The following NBAS variants were observed in gnomAD, a reference collection of about 807,000 sequenced individuals.
NBAS encodes the protein NAG/BC035112 fusion.
A neutral mutation model predicts 302.5 loss-of-function variants in NBAS; 219 were observed. The ratio of observed to expected loss-of-function variants is 0.72; its 90% CI spans 0.65 to 0.81. NBAS has a LOEUF of 0.81. Among genes scored for constraint, NBAS ranks in the 30% least tolerant of loss-of-function variants. NBAS has a pLI of 0.00. For missense variants in NBAS, 2,932 were observed against 2,841.6 expected (o/e 1.03, Z -0.72); for synonymous variants, 1,118 against 1,021.6 (o/e 1.09, Z -1.80).
the NBAS span, among the ~76,000 whole-genome samples, chr2:15,136,597 T>A: frequency 6.6e-6 from 1 of 152,194 alleles, no homozygotes; most frequent in Non-Finnish European, 1.5e-5. Context: ...GTTGAAGTCC[T>A]TACCCCCCTG....
intron 11 of NBAS, among the ~76,000 whole-genome samples, chr2:15,491,502 C>T (rs1174738177): frequency 6.6e-6 from 1 of 152,104 alleles, no homozygotes; most frequent in Non-Finnish European, 1.5e-5. Context: ...TTTGGGAGGC[C>T]GAGGCGGGCA....
the NBAS span, among the ~76,000 whole-genome samples, chr2:14,908,420 G>C: frequency 6.6e-6 from 1 of 152,172 alleles, no homozygotes; most frequent in African/African-American, 2.4e-5. Flanking sequence ...TGAAAGTACA[G>C]AAAAGCATCC....
the NBAS span, among the ~76,000 whole-genome samples, chr2:14,859,243 A>G: frequency 0.054 from 8,192 of 152,084 alleles, 735 homozygotes; most frequent in African/African-American, 0.19. Flanking sequence ...TAATATTGTC[A>G]AAATGACAAT....
At chr2:15,278,487 C>A (rs939424995) in intron 42 of NBAS, among the ~76,000 whole-genome samples, 1 of 152,104 alleles carries the variant, frequency 6.6e-6, no homozygotes, top group Non-Finnish European at 1.5e-5. Flanking sequence ...ATGGCACAGA[C>A]CTTATTACAT....
the NBAS span, among the ~76,000 whole-genome samples, chr2:14,903,208 A>G: frequency 2.9e-4 from 44 of 152,298 alleles, no homozygotes; most frequent in South Asian, 8.5e-3. Flanking sequence ...TTTAATGATA[A>G]TACAAGCAAT....
intron 25 of NBAS, among the ~76,000 whole-genome samples, chr2:15,402,729 T>C (rs1676214738): frequency 6.6e-6 from 1 of 151,888 alleles, no homozygotes; most frequent in South Asian, 2.1e-4. Context: ...GCATTATATA[T>C]TACTCATTTA....
the NBAS span, among the ~76,000 whole-genome samples, chr2:15,061,230 G>A: frequency 6.6e-6 from 1 of 152,292 alleles, no homozygotes; most frequent in East Asian, 1.9e-4. Flanking sequence ...ACATTCGGAT[G>A]TAACTGCAAC....
chr2:15,049,887 G>A, the NBAS span, among the ~76,000 whole-genome samples: 1 of 152,328 alleles, frequency 6.6e-6, no homozygotes, highest in East Asian at 1.9e-4. Flanking sequence ...GCAGACAAAA[G>A]CTGGAACACA....
At chr2:15,548,092 T>A (rs555717229) in intron 6 of NBAS, among the ~76,000 whole-genome samples, 1 of 152,208 alleles carries the variant, frequency 6.6e-6, no homozygotes, top group Non-Finnish European at 1.5e-5. Flanking sequence ...TAAATACATG[T>A]ACACTTTTGT....
rs540865054 is a variant in NBAS, at chr2:15,415,145, T to C, written c.2937+401A>G. Among the ~76,000 whole-genome samples the C allele has an allele frequency of 7.2e-5, 11 of 152,324 alleles. No homozygotes were observed. In the South Asian group the frequency reaches 1.9e-3, roughly 26 times the overall value. ...CTACTTACTGTGCAACCCTGGGCAA[T>C]TACCCTATTCACTTTATATCACAAT... On this transcript the variant is annotated intron_variant, in intron 25 of 51. Transcript: ENST00000281513.
At chr2:14,864,848 C>T in the NBAS span, among the ~76,000 whole-genome samples, 1 of 152,128 alleles carries the variant, frequency 6.6e-6, no homozygotes, top group African/African-American at 2.4e-5. Context: ...TATAAAGTAC[C>T]TAGAACAGAA....
At chr2:14,993,210 T>C in the NBAS span, among the ~76,000 whole-genome samples, 1 of 152,120 alleles carries the variant, frequency 6.6e-6, no homozygotes, top group Non-Finnish European at 1.5e-5. Flanking sequence ...TGCTCCCCAT[T>C]TTACACATGA....
Position 15,424,433 on chromosome 2 carries a change from T to C in NBAS, c.2459A>G (p.Glu820Gly), listed in dbSNP as rs1677365521. 5.0e-6 allele frequency: 8 copies of C among 1,614,126 alleles called. No individual in the cohort carries two copies. The highest frequency in any genetic ancestry group is 5.1e-6 in the Non-Finnish European group (6 of 1,179,978). ...CTCAGGCTGTGCAGCATACAAGAAT[T>C]CACTTTCATCTTGGAGATTCGGCTC... ...VVEPNLQDES[E>G]FLYAAQPELL... Residue 820 changes from glutamate to glycine, a missense_variant, in exon 23 of 52, where the codon GAA (glutamate) becomes GGA (glycine). Physicochemically the swap from Glu to Gly is moderately conservative, Grantham distance 98. Transcript: ENST00000281513.
At chr2:15,404,500 C>CTT (rs546532032) in intron 25 of NBAS, among the ~76,000 whole-genome samples, 4 of 148,808 alleles carry the variant, frequency 2.7e-5, no homozygotes, top group South Asian at 2.2e-4. Flanking sequence ...TAAATAATCA[C>CTT]TTTTTTTTTT....
the NBAS span, among the ~76,000 whole-genome samples, chr2:14,988,706 T>G: frequency 1.3e-5 from 2 of 152,206 alleles, no homozygotes; most frequent in Admixed American, 6.5e-5. Flanking sequence ...ATACTCAGAC[T>G]AATTGGTCAT....
At chr2:15,206,926 G>A (rs1406831883) in intron 48 of NBAS, among the ~76,000 whole-genome samples, 2 of 152,186 alleles carry the variant, frequency 1.3e-5, no homozygotes, top group Non-Finnish European at 2.9e-5. Flanking sequence ...ATGCAGAGGG[G>A]AAATGTGGGG....
At chr2:15,449,238 T>C (rs1423651081) in intron 21 of NBAS, among the ~76,000 whole-genome samples, 1 of 152,204 alleles carries the variant, frequency 6.6e-6, no homozygotes, top group African/African-American at 2.4e-5. Context: ...ATTAAAATTA[T>C]TTATTAAAAT....
the NBAS span, among the ~76,000 whole-genome samples, chr2:15,100,062 C>G: frequency 3.3e-5 from 5 of 152,126 alleles, no homozygotes; most frequent in African/African-American, 1.2e-4. Flanking sequence ...TCCAATGCCT[C>G]AGATAGTTGT....
chr2:15,519,920 G>C (rs1461697599), intron 9 of NBAS, among the ~76,000 whole-genome samples: 1 of 152,118 alleles, frequency 6.6e-6, no homozygotes, highest in Non-Finnish European at 1.5e-5. Flanking sequence ...ATGTGCTTAA[G>C]AATAATCACA....
Sources: gnomAD v4.1 joint callset for allele counts (sites outside exome capture counted in the v4.1 genomes callset) on GRCh38, gnomAD v4.1.1 for gene constraint, MANE v1.5 for transcripts, NCBI Gene and HGNC (gene_info 2026-07-23, HGNC 2026-07-21) for gene names.